The following WBP1L variants were observed in gnomAD, a reference collection of about 807,000 sequenced individuals.
WBP1L encodes the protein WW domain binding protein 1-like.
In WBP1L, 17 loss-of-function variants were observed where a neutral mutation model predicts 33.7. That is an observed-to-expected ratio of 0.50 (90% confidence interval 0.34 to 0.76). The LOEUF is 0.76. WBP1L is among the 30% of genes least tolerant of loss of function. The pLI, the probability that WBP1L is intolerant of heterozygous loss-of-function variation, is 0.01. For synonymous variants in WBP1L, 173 were observed against 190.8 expected, an observed-to-expected ratio of 0.91 and a Z score of 0.77; for missense variants, 389 against 469.4, an observed-to-expected ratio of 0.83 and a Z score of 1.58.
At chr10:102,800,525 C>T (rs1393998812) in intron 2 of WBP1L, among the ~76,000 whole-genome samples, 1 of 152,206 alleles carries the variant, frequency 6.6e-6, no homozygotes, top group East Asian at 1.9e-4. Context: ...AAGTGTCTCT[C>T]TAGCTACGGG....
intron 1 of WBP1L, among the ~76,000 whole-genome samples, chr10:102,791,668 G>T (rs1303777372): frequency 6.6e-6 from 1 of 152,208 alleles, no homozygotes. Flanking sequence ...AGTTCTTCCT[G>T]CAGGGAAAGC....
intron 1 of WBP1L, chr10:102,776,308 C>A (rs1317983218): frequency 6.2e-7 from 1 of 1,612,946 alleles, no homozygotes; most frequent in East Asian, 2.2e-5. Context: ...ACACACAGGC[C>A]CACCAGGGGC....
At chr10:102,787,211 G>A (rs1383525729) in intron 1 of WBP1L, among the ~76,000 whole-genome samples, 1 of 152,196 alleles carries the variant, frequency 6.6e-6, no homozygotes, top group Non-Finnish European at 1.5e-5. Context: ...AGCTCTTTTA[G>A]CCAAAGCTTA....
At chr10:102,784,593 T>C (rs937730907) in intron 1 of WBP1L, among the ~76,000 whole-genome samples, 1 of 150,868 alleles carries the variant, frequency 6.6e-6, no homozygotes, top group Non-Finnish European at 1.5e-5. Flanking sequence ...ACCCGGCTAA[T>C]TTTTTGTATT....
At chr10:102,782,323 A>T (rs1843349969) in intron 1 of WBP1L, among the ~76,000 whole-genome samples, 1 of 146,134 alleles carries the variant, frequency 6.8e-6, no homozygotes, top group Non-Finnish European at 1.5e-5. Flanking sequence ...GGAAAAGAGG[A>T]CTGTGCCTGC....
chr10:102,779,549 G>A (rs558798298), intron 1 of WBP1L, among the ~76,000 whole-genome samples: 6 of 152,132 alleles, frequency 3.9e-5, no homozygotes, highest in African/African-American at 9.6e-5. Context: ...TGGTCCGCTC[G>A]CCTCGGCCTC....
intron 3 of WBP1L, among the ~76,000 whole-genome samples, chr10:102,812,238 G>A (rs1590196224): frequency 6.6e-6 from 1 of 152,342 alleles, no homozygotes; most frequent in South Asian, 2.1e-4. Flanking sequence ...AAGAACATGA[G>A]ACTTGTGTGC....
In WBP1L at chr10:102,812,663, C is replaced by T. The variant is rs1843861018; in HGVS notation, c.424C>T (p.Pro142Ser). ...VVNRPPTPPP[P>S]YSAFQLQQQQ... ...GAACCGACCTCCAACTCCTCCCCCA[C>T]CATACAGTGCCTTCCAGCTACAGCA... Residue 142 changes from proline (P) to serine (S), a missense_variant, in exon 4 of 4, where the codon CCA becomes TCA. Transcript: ENST00000448841. 66 of 1,611,718 alleles carry T rather than the reference C, an allele frequency of 4.1e-5. No individual in the cohort carries two copies. The highest frequency in any genetic ancestry group is 5.5e-5 in the Non-Finnish European group (65 of 1,178,958).
chr10:102,766,242 G>C (rs1242159421), intron 1 of WBP1L, among the ~76,000 whole-genome samples: 1 of 151,934 alleles, frequency 6.6e-6, no homozygotes, highest in Non-Finnish European at 1.5e-5. Flanking sequence ...GGGAGTTTGA[G>C]ACCAGCCTGA....
At position 102,812,762 on chromosome 10, in the gene WBP1L, CA is replaced by C; in HGVS notation, c.524del (p.Gln175ArgfsTer70). The C allele has an allele frequency of 6.2e-7, 1 of 1,613,170 alleles. No homozygotes were observed. The highest frequency in any genetic ancestry group is 8.5e-7 in the Non-Finnish European group (1 of 1,179,606). On this transcript the variant is annotated frameshift_variant, in exon 4 of 4. Transcript: ENST00000448841. LOFTEE classifies it high-confidence loss of function. ...GGGCATCGATCCCACCAGGGGATCC[CA>C]GGGGGCACAGAGCAGCCCCTTGTCT... ...PPGIDPTRGS[Q>X]GAQSSPLSEP... is the part of the protein sequence containing the mutation.
At chr10:102,788,352 C>T (rs143597181) in intron 1 of WBP1L, among the ~76,000 whole-genome samples, 1,873 of 151,836 alleles carry the variant, frequency 0.012, 128 homozygotes, top group Admixed American at 0.11. Context: ...TCTCATGATC[C>T]GCCTGTTTCG....
At chr10:102,782,214 C>CCTTT (rs757265934) in intron 1 of WBP1L, among the ~76,000 whole-genome samples, 1 of 49,168 alleles carries the variant, frequency 2.0e-5, no homozygotes, top group African/African-American at 9.4e-5. Flanking sequence ...AAAGAAGCTG[C>CCTTT]TTTTTTTTTT....
At chr10:102,784,162 C>T (rs933301660) in intron 1 of WBP1L, among the ~76,000 whole-genome samples, 16 of 152,136 alleles carry the variant, frequency 1.1e-4, no homozygotes, top group South Asian at 2.1e-4. Context: ...CTCAAATAAC[C>T]GGGATTACTA....
At chr10:102,767,232 C>G (rs1242251426) in intron 1 of WBP1L, among the ~76,000 whole-genome samples, 1 of 152,092 alleles carries the variant, frequency 6.6e-6, no homozygotes, top group Non-Finnish European at 1.5e-5. Context: ...GTGCAGCCTA[C>G]GAAAGTAATA....
intron 1 of WBP1L, among the ~76,000 whole-genome samples, chr10:102,764,702 T>C (rs1217292602): frequency 6.6e-6 from 1 of 152,218 alleles, no homozygotes; most frequent in Non-Finnish European, 1.5e-5. Context: ...TGTTTTCTTC[T>C]GGTGTTTTTA....
intron 1 of WBP1L, among the ~76,000 whole-genome samples, chr10:102,755,356 A>G (rs2134027744): frequency 6.6e-6 from 1 of 152,028 alleles, no homozygotes; most frequent in South Asian, 2.1e-4. Context: ...CCCTGGCCTC[A>G]AGTGTTCCTT....
Position 102,798,115 on chromosome 10 carries a change from C to T in WBP1L, c.193+20C>T. ...TCTGGTGTAAGTCCTTGCTTGGGTGCCTCTCAGTATCCCAGGGTCCCAGTT... is the reference window on the plus strand; with the variant it reads ...TCTGGTGTAAGTCCTTGCTTGGGTGTCTCTCAGTATCCCAGGGTCCCAGTT... On this transcript the variant is annotated intron_variant, in intron 2 of 3. Coordinates refer to ENST00000448841, the MANE Select transcript of WBP1L (RefSeq NM_001083913.2). 1 of 1,604,664 alleles carries T rather than the reference C, an allele frequency of 6.2e-7. No individual in the cohort carries two copies. Among genetic ancestry groups the T allele is most frequent in the South Asian group, 1.1e-5 (1 of 90,836 alleles).
chr10:102,746,352 C>T (rs564539753), intron 1 of WBP1L, among the ~76,000 whole-genome samples: 1 of 152,124 alleles, frequency 6.6e-6, no homozygotes, highest in Non-Finnish European at 1.5e-5. Flanking sequence ...TACACGGTTA[C>T]AATTCCTGCA....
intron 1 of WBP1L, among the ~76,000 whole-genome samples, chr10:102,796,091 T>G (rs1488022594): frequency 6.6e-6 from 1 of 152,158 alleles, no homozygotes; most frequent in Non-Finnish European, 1.5e-5. Flanking sequence ...GTAGAAATCA[T>G]TCTGTTTTTC....
Sources: allele counts gnomAD v4.1 joint callset (sites outside exome capture counted in the v4.1 genomes callset), GRCh38; gene constraint gnomAD v4.1.1; transcripts MANE v1.5; gene names NCBI Gene and HGNC (gene_info 2026-07-23, HGNC 2026-07-21).